Variants in ZNF827 observed in about 807,000 individuals in gnomAD.
The protein encoded by ZNF827 is zinc finger protein 827.
Under a neutral mutation model 102.4 loss-of-function variants are expected in ZNF827, and 13 were observed. That is an observed-to-expected ratio of 0.13 (90% CI 0.08 to 0.20). The LOEUF is 0.20. Among genes scored for constraint, ZNF827 ranks in the 10% least tolerant of loss-of-function variants. The probability of loss-of-function intolerance (pLI) is 1.00; values close to 1 mark genes in which losing one functional copy is unlikely to be tolerated. For synonymous variants in ZNF827, 523 were observed against 536.2 expected (o/e 0.98, Z 0.34); for missense variants, 1,103 against 1,344.4 (o/e 0.82, Z 2.81).
intron 1 of ZNF827, chr4:145,907,345 G>C (rs1319977731): frequency 2.6e-6 from 1 of 384,282 alleles, no homozygotes; most frequent in African/African-American, 2.1e-5. Context: ...TTCCTAGCCT[G>C]GAATTTCCTT....
intron 1 of ZNF827, among the ~76,000 whole-genome samples, chr4:145,915,957 G>T (rs1198458809): frequency 1.3e-5 from 2 of 152,250 alleles, no homozygotes; most frequent in African/African-American, 4.8e-5. Flanking sequence ...ACCCAACAGG[G>T]AAAACAATAT....
At chr4:145,785,945 C>T (rs1168937207) in intron 8 of ZNF827, among the ~76,000 whole-genome samples, 1 of 152,104 alleles carries the variant, frequency 6.6e-6, no homozygotes, top group Non-Finnish European at 1.5e-5. Flanking sequence ...AGAATATTTC[C>T]AGGCACAGAG....
intron 4 of ZNF827, among the ~76,000 whole-genome samples, chr4:145,878,969 T>C (rs534768155): frequency 5.3e-5 from 8 of 152,154 alleles, no homozygotes; most frequent in African/African-American, 1.9e-4. Context: ...GGATGGAGTG[T>C]AGATGAAAAT....
At position 145,809,140 on chromosome 4, in the gene ZNF827, T is replaced by C. The variant is rs1164495897; in HGVS notation, c.2383+14282A>G. 2.6e-5 allele frequency among the ~76,000 whole-genome samples: 4 copies of C among 152,358 alleles called. No individual in the cohort carries two copies. The East Asian group carries it at 5.8e-4, about 22-fold the overall frequency. Reference sequence around the variant, plus strand: ...AATGTGGTTCTGCCAAAGTGGATTTTGTCCAAAGCTCCAGGAATATCCTCA... The same window carrying C: ...AATGTGGTTCTGCCAAAGTGGATTTCGTCCAAAGCTCCAGGAATATCCTCA... On this transcript the variant is annotated intron_variant, in intron 8 of 14. Coordinates refer to ENST00000508784, the MANE Select transcript of ZNF827 (RefSeq NM_001306215.2).
chr4:145,781,260 G>A (rs1459864604), intron 8 of ZNF827, among the ~76,000 whole-genome samples: 1 of 148,594 alleles, frequency 6.7e-6, no homozygotes, highest in African/African-American at 2.5e-5. Context: ...TCACAACATG[G>A]GTCAGAGATA....
At position 145,790,363 on chromosome 4, in the gene ZNF827, C is replaced by T. The variant is rs371004524; in HGVS notation, c.2384-10852G>A. On this transcript the variant is annotated intron_variant, in intron 8 of 14. Transcript: ENST00000508784. Reference sequence around the variant, plus strand: ...TAAACTAAATGAAAAGAACAGATCACTATAATTAAAAATTTAATGATTCTA... The same window carrying T: ...TAAACTAAATGAAAAGAACAGATCATTATAATTAAAAATTTAATGATTCTA... Among the ~76,000 whole-genome samples the T allele has an allele frequency of 3.9e-4, 59 of 152,152 alleles. No homozygotes were observed. The East Asian group carries it at 8.3e-3, about 21-fold the overall frequency.
chr4:145,817,635 T>G (rs1742716750), intron 8 of ZNF827, among the ~76,000 whole-genome samples: 1 of 152,140 alleles, frequency 6.6e-6, no homozygotes, highest in South Asian at 2.1e-4. Flanking sequence ...ATCACCATGA[T>G]CTAAACACAC....
At chr4:145,810,428 C>T (rs1160063538) in intron 8 of ZNF827, among the ~76,000 whole-genome samples, 1 of 151,032 alleles carries the variant, frequency 6.6e-6, no homozygotes, top group African/African-American at 2.4e-5. Flanking sequence ...ACTTTTTTAA[C>T]TTTTAGAAAT....
At chr4:145,893,886 A>C (rs1034520644) in intron 2 of ZNF827, among the ~76,000 whole-genome samples, 2 of 152,148 alleles carry the variant, frequency 1.3e-5, no homozygotes, top group East Asian at 3.8e-4. Context: ...TTCAACATGT[A>C]AGTGGCATTT....
chr4:145,856,791 GA>G (rs1487910957), intron 5 of ZNF827, among the ~76,000 whole-genome samples: 1 of 146,374 alleles, frequency 6.8e-6, no homozygotes, highest in Non-Finnish European at 1.5e-5. Flanking sequence ...TGTCTATGAT[GA>G]AGATGATAAA....
At chr4:145,894,097 G>A (rs1242244644) in intron 2 of ZNF827, among the ~76,000 whole-genome samples, 95 of 152,272 alleles carry the variant, frequency 6.2e-4, no homozygotes, top group Non-Finnish European at 2.9e-5. Context: ...TGTGACAGTG[G>A]AATTGTGGTT....
At chr4:145,861,306 AT>A (rs35259621) in intron 5 of ZNF827, among the ~76,000 whole-genome samples, 119 of 152,336 alleles carry the variant, frequency 7.8e-4, no homozygotes, top group Non-Finnish European at 1.4e-3. Context: ...CTATAACTGT[AT>A]TAACATATAG....
chr4:145,834,763 C>G, intron 7 of ZNF827, among the ~76,000 whole-genome samples: 1 of 152,096 alleles, frequency 6.6e-6, no homozygotes. Flanking sequence ...GTCTTATTCT[C>G]AAAATACATT....
At chr4:145,920,420 T>C (rs545259345) in intron 1 of ZNF827, among the ~76,000 whole-genome samples, 1 of 152,170 alleles carries the variant, frequency 6.6e-6, no homozygotes, top group Admixed American at 6.5e-5. Flanking sequence ...CCACAAAAGT[T>C]CTCTCTTGCA....
Position 145,938,476 on chromosome 4 carries a change from A to C in ZNF827, c.-69T>G. On this transcript the variant is annotated 5_prime_UTR_variant, in exon 1 of 15. Coordinates refer to ENST00000508784, the MANE Select transcript of ZNF827 (RefSeq NM_001306215.2). The stretch of plus-strand genomic sequence containing the variant: ...CAAATAAACCCCCGTGGGGGCAGAG[A>C]GGCAGACACTGGCAGGAGCGGGGAG... The C allele has an allele frequency of 1.0e-6, 1 of 994,860 alleles. No homozygotes were observed. The highest frequency in any genetic ancestry group is 2.5e-5 in the Admixed American group (1 of 40,586). The allele number at this position is 994,860 out of a possible 1,614,324, so 61.6% of individuals were successfully genotyped here.
intron 3 of ZNF827, among the ~76,000 whole-genome samples, chr4:145,891,145 G>T (rs752405336): frequency 5.9e-5 from 9 of 152,178 alleles, no homozygotes; most frequent in Non-Finnish European, 1.2e-4. Context: ...TATCAGTGAA[G>T]ATATGATTGC....
chr4:145,792,512 A>G (rs1739844835), intron 8 of ZNF827, among the ~76,000 whole-genome samples: 1 of 151,398 alleles, frequency 6.6e-6, no homozygotes, highest in South Asian at 2.1e-4. Flanking sequence ...ATATATCCAA[A>G]AGCCTAGGAA....
chr4:145,854,491 G>A (rs1579382645), intron 5 of ZNF827, among the ~76,000 whole-genome samples: 1 of 152,100 alleles, frequency 6.6e-6, no homozygotes, highest in Non-Finnish European at 1.5e-5. Context: ...GAGAGAAGCA[G>A]GAGGCTCTGC....
At chr4:145,797,219 A>G (rs1740473902) in intron 8 of ZNF827, among the ~76,000 whole-genome samples, 1 of 152,202 alleles carries the variant, frequency 6.6e-6, no homozygotes, top group Admixed American at 6.5e-5. Flanking sequence ...ATCCTAAAAG[A>G]AAAATTAGAG....
Sources: allele counts gnomAD v4.1 joint callset (sites outside exome capture counted in the v4.1 genomes callset), GRCh38; gene constraint gnomAD v4.1.1; transcripts MANE v1.5; gene names NCBI Gene and HGNC (gene_info 2026-07-23, HGNC 2026-07-21).